Variants in TOP1 observed in about 807,000 individuals in gnomAD.
TOP1 encodes the protein DNA topoisomerase I, also known as DNA topoisomerase 1.
A neutral mutation model predicts 111.1 loss-of-function variants in TOP1; 10 were observed. That is an observed-to-expected ratio of 0.09 (90% CI 0.06 to 0.15). TOP1 has a LOEUF of 0.15. Among genes scored for constraint, TOP1 ranks in the 10% least tolerant of loss-of-function variants. TOP1 has a pLI of 1.00. For missense variants in TOP1, 474 were observed against 926.7 expected (o/e 0.51, Z 6.34); for synonymous variants, 271 against 302.9 (o/e 0.89, Z 1.10).
Position 41,102,098 on chromosome 20 carries a change from T to G in TOP1, c.1308+745T>G, listed in dbSNP as rs2034072451. Among the ~76,000 whole-genome samples the G allele has an allele frequency of 6.6e-6, 1 of 152,128 alleles. No individual in the cohort carries two copies. The highest frequency in any genetic ancestry group is 2.4e-5 in the African/African-American group (1 of 41,416). On this transcript the variant is annotated intron_variant, in intron 13 of 20. Coordinates refer to ENST00000361337, the MANE Select transcript of TOP1 (RefSeq NM_003286.4). This position sits in a 1 kb window ranked among gnomAD's most constrained non-coding sequence, Gnocchi z 4.0. The stretch of plus-strand genomic sequence containing the variant: ...CAAGGAATTAGTTCTATGTAGACTG[T>G]TAACTGTTTTATGTGCAGGAGACCT...
At chr20:41,054,623 G>A (rs554811794) in intron 2 of TOP1, among the ~76,000 whole-genome samples, 65 of 152,328 alleles carry the variant, frequency 4.3e-4, no homozygotes, top group Admixed American at 7.2e-4. Context: ...GCTGGCACCC[G>A]TATTAGTGCC....
In TOP1 at chr20:41,028,977, G is replaced by A. The variant is rs2122577014; in HGVS notation, c.-91G>A. 1 of 1,147,694 alleles carries A rather than the reference G, an allele frequency of 8.7e-7. No individual in the cohort carries two copies. Among genetic ancestry groups the A allele is most frequent in the Non-Finnish European group, 1.2e-6 (1 of 801,600 alleles). 71.1% of individuals were successfully genotyped at this position (1,147,694 alleles called of 1,614,324 possible). On this transcript the variant is annotated 5_prime_UTR_variant, in exon 1 of 21. Coordinates refer to ENST00000361337, the MANE Select transcript of TOP1 (RefSeq NM_003286.4). ...CTTACCTGCGCCTCCTCGAGCCTCC[G>A]GAGTCCCCGTCCGCCCGCACAGGCC...
Position 41,092,549 on chromosome 20 carries a change from A to C in TOP1, c.692A>C (p.Tyr231Ser). The C allele has an allele frequency of 1.9e-6, 3 of 1,604,820 alleles. No individual in the cohort carries two copies. Among genetic ancestry groups the C allele is most frequent in the Non-Finnish European group, 2.6e-6 (3 of 1,174,822 alleles). The change falls in exon 9 of 21, where the codon TAT becomes TCT. Residue 231 changes from tyrosine (Y) to serine (S), a missense_variant. This residue lies in a region of TOP1 where 84 missense variants were observed against 119.2 expected (regional missense o/e 0.70). Transcript: ENST00000361337. The surrounding 1 kb of genome is among the most constrained non-coding windows in gnomAD (Gnocchi z 4.3). ...EHKGPVFAPP[Y>S]EPLPENVKFY... ...AAAGGTCCAGTATTTGCCCCACCAT[A>C]TGAGCCTCTTCCAGAGAATGTCAAG...
rs183701527 is a variant in TOP1 at position 41,069,576 on chromosome 20, A to G, written c.156-6595A>G. Among the ~76,000 whole-genome samples, 8 of 152,288 alleles carry G rather than the reference A, an allele frequency of 5.3e-5. No individual in the cohort carries two copies. The East Asian group carries it at 1.5e-3, about 29-fold the overall frequency. On this transcript the variant is annotated intron_variant, in intron 3 of 20. Transcript: ENST00000361337. This position sits in a 1 kb window ranked among gnomAD's most constrained non-coding sequence, Gnocchi z 4.1. ...CAGTACCTGCTTTATCAATCTTTCA[A>G]GTTTGTTTATGCACATGACAGCTCT...
intron 14 of TOP1, 88 bp from the exon 15 acceptor site, chr20:41,113,882 A>C: frequency 3.6e-6 from 3 of 828,190 alleles, no homozygotes; most frequent in Non-Finnish European, 5.0e-6. Flanking sequence ...ACTGTCTCAA[A>C]AAAAAAAAAA....
rs569153027 is a variant in TOP1, at chr20:41,080,755, A to G, written c.432-410A>G. Among the ~76,000 whole-genome samples the G allele has an allele frequency of 3.9e-5, 6 of 152,330 alleles. No individual in the cohort carries two copies. Among genetic ancestry groups the G allele is most frequent in the African/African-American group, 1.4e-4 (6 of 41,584 alleles). ...GTGAACTCATTTGTATTCATTCAATATAGAATTTCTTTCCTCCACATTCCA... is the reference window on the plus strand; with the variant it reads ...GTGAACTCATTTGTATTCATTCAATGTAGAATTTCTTTCCTCCACATTCCA... On this transcript the variant is annotated intron_variant, in intron 6 of 20. Transcript: ENST00000361337. This position sits in a 1 kb window ranked among gnomAD's most constrained non-coding sequence, Gnocchi z 5.0.
In TOP1 at chr20:41,069,143, C is replaced by A. The variant is rs1388697836; in HGVS notation, c.156-7028C>A. Among the ~76,000 whole-genome samples, 1 of 152,176 alleles carries A rather than the reference C, an allele frequency of 6.6e-6. No individual in the cohort carries two copies. Among genetic ancestry groups the A allele is most frequent in the East Asian group, 1.9e-4 (1 of 5,206 alleles). On this transcript the variant is annotated intron_variant, in intron 3 of 20. Coordinates refer to ENST00000361337, the MANE Select transcript of TOP1 (RefSeq NM_003286.4). This position sits in a 1 kb window ranked among gnomAD's most constrained non-coding sequence, Gnocchi z 4.1. ...GCTTTCCTTTTAGTTCCAAATCCTACCTGAATTGTAATTGAGAGAATGTAG... is the reference window on the plus strand; with the variant it reads ...GCTTTCCTTTTAGTTCCAAATCCTAACTGAATTGTAATTGAGAGAATGTAG...
chr20:41,093,597 ACT>A (rs2033946517), intron 9 of TOP1, among the ~76,000 whole-genome samples: 1 of 151,112 alleles, frequency 6.6e-6, no homozygotes, highest in East Asian at 1.9e-4. Flanking sequence ...TCAGCCCCCC[ACT>A]GTTTTCTTCT....
chr20:41,039,506 T>C (rs2033233477), intron 2 of TOP1, among the ~76,000 whole-genome samples: 1 of 152,216 alleles, frequency 6.6e-6, no homozygotes, highest in Admixed American at 6.5e-5. Flanking sequence ...TATACCTATA[T>C]ACCCATTAAA....
rs1339641575 is a variant in TOP1 at position 41,121,994 on chromosome 20, C to T, written c.2046-12C>T. 1 of 1,613,382 alleles carries T rather than the reference C, an allele frequency of 6.2e-7. No homozygotes were observed. Among genetic ancestry groups the T allele is most frequent in the Non-Finnish European group, 8.5e-7 (1 of 1,179,816 alleles). ...CCAGGCCTGGTTCTTGAGGACTTTG[C>T]TATTCTTCTAGGGTAGTAGAGTCAA... On this transcript the variant is annotated splice_polypyrimidine_tract_variant and intron_variant, in intron 19 of 20. Transcript: ENST00000361337. The surrounding 1 kb of genome is among the most constrained non-coding windows in gnomAD (Gnocchi z 4.2).
chr20:41,061,965 A>G lies in TOP1; in HGVS notation c.155+475A>G, dbSNP rs973647480. Reference sequence around the variant, plus strand: ...TGAGTATATGAGATTTCCTGGAGAGACTATTTGTAGCTTTCATCATGTTAT... The same window carrying G: ...TGAGTATATGAGATTTCCTGGAGAGGCTATTTGTAGCTTTCATCATGTTAT... On this transcript the variant is annotated intron_variant, in intron 3 of 20. Transcript: ENST00000361337. The surrounding 1 kb of genome is among the most constrained non-coding windows in gnomAD (Gnocchi z 4.6). Among the ~76,000 whole-genome samples, 2 of 152,128 alleles carry G rather than the reference A, an allele frequency of 1.3e-5. No individual in the cohort carries two copies. Among genetic ancestry groups the G allele is most frequent in the African/African-American group, 4.8e-5 (2 of 41,428 alleles).
At chr20:41,113,633 T>G (rs940482841) in intron 14 of TOP1, among the ~76,000 whole-genome samples, 8 of 151,648 alleles carry the variant, frequency 5.3e-5, no homozygotes, top group African/African-American at 1.9e-4. Context: ...ATCCCAGCAC[T>G]TTGGGAGGCC....
In TOP1 at chr20:41,097,323, C is replaced by T; in HGVS notation, c.834C>T (p.Phe278=). The stretch of plus-strand genomic sequence containing the variant: ...CCAAGGAAATATTTAGGAAAAATTT[C>T]TTTAAAGACTGGAGAAAGGTACTGT... ...YTTKEIFRKN[F]FKDWRKEMTN... Residue 278 remains phenylalanine (F), a synonymous_variant, in exon 10 of 21, where the codon TTC becomes TTT. Transcript: ENST00000361337. The surrounding 1 kb of genome is among the most constrained non-coding windows in gnomAD (Gnocchi z 4.2). 1 of 1,613,634 alleles carries T rather than the reference C, an allele frequency of 6.2e-7. No individual in the cohort carries two copies. Among genetic ancestry groups the T allele is most frequent in the South Asian group, 1.1e-5 (1 of 91,024 alleles).
intron 3 of TOP1, among the ~76,000 whole-genome samples, chr20:41,065,798 C>T (rs2033599845): frequency 6.6e-6 from 1 of 152,032 alleles, no homozygotes; most frequent in Non-Finnish European, 1.5e-5. Context: ...TTAAAAAAAT[C>T]CATCTGTTGA....
At chr20:41,065,777 T>C (rs1005727347) in intron 3 of TOP1, among the ~76,000 whole-genome samples, 1 of 152,194 alleles carries the variant, frequency 6.6e-6, no homozygotes, top group Non-Finnish European at 1.5e-5. Flanking sequence ...ATTGTATGCC[T>C]GTAATCACAT....
Position 41,109,798 on chromosome 20 carries a change from A to G in TOP1, c.1309-2984A>G, listed in dbSNP as rs1257214283. Among the ~76,000 whole-genome samples, 3 of 152,246 alleles carry G rather than the reference A, an allele frequency of 2.0e-5. No individual in the cohort carries two copies. The highest frequency in any genetic ancestry group is 4.4e-5 in the Non-Finnish European group (3 of 68,038). The stretch of plus-strand genomic sequence containing the variant: ...TCCAGTTCTAGGTATTTTTACCTCA[A>G]GTGAAATAAAAACATTTATCCATGA... On this transcript the variant is annotated intron_variant, in intron 13 of 20. Coordinates refer to ENST00000361337, the MANE Select transcript of TOP1 (RefSeq NM_003286.4). The surrounding 1 kb of genome is among the most constrained non-coding windows in gnomAD (Gnocchi z 4.1).
Position 41,097,139 on chromosome 20 carries a change from A to G in TOP1, c.731-81A>G. ...ACCATGAGAAGGCAAACCATTATTA[A>G]AGAGAATTCGCTAGCCCTGGGTATT... On this transcript the variant is annotated intron_variant, in intron 9 of 20. Coordinates refer to ENST00000361337, the MANE Select transcript of TOP1 (RefSeq NM_003286.4). The surrounding 1 kb of genome is among the most constrained non-coding windows in gnomAD (Gnocchi z 4.2). 6.7e-7 allele frequency: 1 copy of G among 1,501,482 alleles called. No individual in the cohort carries two copies. The highest frequency in any genetic ancestry group is 1.3e-5 in the South Asian group (1 of 79,774). 93.0% of individuals were successfully genotyped at this position (1,501,482 alleles called of 1,614,324 possible).
chr20:41,090,698 G>T (rs1223688854), intron 8 of TOP1, among the ~76,000 whole-genome samples: 1 of 151,924 alleles, frequency 6.6e-6, no homozygotes, highest in Non-Finnish European at 1.5e-5. Flanking sequence ...AGACGGGGGG[G>T]TCTCGCCATG....
intron 7 of TOP1, 107 bp downstream of exon 7, chr20:41,081,347 T>C (rs1394229846): frequency 2.8e-5 from 37 of 1,343,088 alleles, no homozygotes; most frequent in Middle Eastern, 5.4e-4. Context: ...TGGCTTGTTA[T>C]AACATTAGGG....
Sources: gnomAD v4.1 joint callset for allele counts (sites outside exome capture counted in the v4.1 genomes callset) on GRCh38, gnomAD v4.1.1 for gene constraint, gnomAD v4.1.1 regional missense constraint, Gnocchi (gnomAD v3.1) non-coding constraint, MANE v1.5 for transcripts, NCBI Gene and HGNC (gene_info 2026-07-23, HGNC 2026-07-21) for gene names.